GALNT13: variants seen among roughly 807,000 people sequenced by gnomAD.
GALNT13 encodes the protein polypeptide N-acetylgalactosaminyltransferase 13.
GALNT13 carries 28 observed loss-of-function variants against 64.2 expected under a neutral mutation model. The observed-to-expected ratio is 0.44, with a 90% CI of 0.32 to 0.60. The LOEUF (loss-of-function observed/expected upper bound fraction) is 0.60, where lower values mean the gene tolerates loss of function less well. Ranked by LOEUF, GALNT13 falls within the 20% of genes least tolerant of loss-of-function variation. The pLI is 0.05. For synonymous variants in GALNT13, 214 were observed against 224.6 expected (o/e 0.95, Z 0.42); for missense variants, 577 against 669.8 (o/e 0.86, Z 1.53).
At chr2:153,161,861 C>A in the GALNT13 span, among the ~76,000 whole-genome samples, 1 of 152,116 alleles carries the variant, frequency 6.6e-6, no homozygotes. Context: ...TGTTTCAACA[C>A]CTAACAAGGG....
intron 3 of GALNT13, among the ~76,000 whole-genome samples, chr2:153,955,586 C>T (rs1372501066): frequency 6.6e-6 from 1 of 152,116 alleles, no homozygotes; most frequent in East Asian, 1.9e-4. Flanking sequence ...GGAATTTTAA[C>T]CTTGTTCTTT....
chr2:153,069,052 G>A, the GALNT13 span, among the ~76,000 whole-genome samples: 1 of 152,118 alleles, frequency 6.6e-6, no homozygotes, highest in African/African-American at 2.4e-5. Flanking sequence ...CATTCAGCAG[G>A]GAATACTTAG....
At chr2:153,143,599 T>A in the GALNT13 span, among the ~76,000 whole-genome samples, 1 of 152,066 alleles carries the variant, frequency 6.6e-6, no homozygotes, top group Non-Finnish European at 1.5e-5. Flanking sequence ...TCATTCATCT[T>A]GCAAAGCAAG....
chr2:153,477,179 G>T, the GALNT13 span, among the ~76,000 whole-genome samples: 1 of 151,952 alleles, frequency 6.6e-6, no homozygotes, highest in Non-Finnish European at 1.5e-5. Context: ...GTCATCCCAG[G>T]GCCTCTCCGT....
the GALNT13 span, among the ~76,000 whole-genome samples, chr2:153,224,857 T>C: frequency 6.6e-6 from 1 of 152,162 alleles, no homozygotes; most frequent in South Asian, 2.1e-4. Context: ...TGACAACCTT[T>C]CCAAAAAAAG....
intron 3 of GALNT13, among the ~76,000 whole-genome samples, chr2:154,078,437 A>G (rs940034946): frequency 2.7e-5 from 4 of 149,568 alleles, no homozygotes; most frequent in Admixed American, 2.7e-4. Context: ...ATAGCTATAG[A>G]TAGATAGATA....
At chr2:154,380,635 A>G (rs555109088) in intron 9 of GALNT13, among the ~76,000 whole-genome samples, 2 of 152,164 alleles carry the variant, frequency 1.3e-5, no homozygotes, top group South Asian at 4.1e-4. Context: ...GAAGACACAA[A>G]GGGGCAACAT....
the GALNT13 span, among the ~76,000 whole-genome samples, chr2:153,265,819 T>C: frequency 2.0e-5 from 3 of 152,190 alleles, no homozygotes; most frequent in Non-Finnish European, 4.4e-5. Flanking sequence ...ATGCTATGAG[T>C]ATTGTTGAAA....
chr2:154,401,770 G>T (rs1057076313), intron 10 of GALNT13, among the ~76,000 whole-genome samples: 3 of 152,010 alleles, frequency 2.0e-5, no homozygotes, highest in Non-Finnish European at 4.4e-5. Flanking sequence ...AAATTAAATT[G>T]TTTATTTTGC....
intron 10 of GALNT13, among the ~76,000 whole-genome samples, chr2:154,400,365 T>C (rs1197980828): frequency 6.6e-6 from 1 of 152,176 alleles, no homozygotes; most frequent in Non-Finnish European, 1.5e-5. Context: ...TGAAATGAAA[T>C]TGGGTGGCTT....
At chr2:153,147,426 G>C in the GALNT13 span, among the ~76,000 whole-genome samples, 5,923 of 151,746 alleles carry the variant, frequency 0.039, 382 homozygotes, top group African/African-American at 0.13. Flanking sequence ...CTCTCTTCTT[G>C]TTTGGATGAG....
the GALNT13 span, among the ~76,000 whole-genome samples, chr2:153,685,894 C>T: frequency 4.4e-4 from 67 of 151,748 alleles, no homozygotes; most frequent in Middle Eastern, 3.4e-3. Context: ...ATTTATTGAA[C>T]AAGGAATACC....
intron 8 of GALNT13, among the ~76,000 whole-genome samples, chr2:154,298,185 G>C (rs1179645914): frequency 6.6e-6 from 1 of 151,138 alleles, no homozygotes; most frequent in Non-Finnish European, 1.5e-5. Context: ...TATAAGAAGA[G>C]GAAAATCAGG....
At position 154,089,467 on chromosome 2, in the gene GALNT13, G is replaced by C. The variant is rs146683639; in HGVS notation, c.143-50870G>C. ...GGAGTAGAGCTTTCACCATAGAAGT[G>C]GGGGGTCAGACAAAGGAATAAAGCC... On this transcript the variant is annotated intron_variant, in intron 3 of 12. Transcript: ENST00000392825. Among the ~76,000 whole-genome samples, 1,234 of 151,926 alleles carry C rather than the reference G, an allele frequency of 8.1e-3. 15 individuals carry two copies. The highest frequency in any genetic ancestry group is 0.028 in the African/African-American group (1,142 of 41,346).
chr2:153,697,799 G>C, the GALNT13 span, among the ~76,000 whole-genome samples: 4 of 152,226 alleles, frequency 2.6e-5, no homozygotes, highest in African/African-American at 9.6e-5. Context: ...TGAACCTAGG[G>C]GTGACATGAT....
At chr2:154,439,158 C>A (rs1701153627) in intron 12 of GALNT13, among the ~76,000 whole-genome samples, 1 of 152,118 alleles carries the variant, frequency 6.6e-6, no homozygotes, top group Non-Finnish European at 1.5e-5. Context: ...ACAAGATTAA[C>A]AAGATTTCTT....
At chr2:153,539,517 T>C in the GALNT13 span, among the ~76,000 whole-genome samples, 2 of 152,074 alleles carry the variant, frequency 1.3e-5, no homozygotes, top group Admixed American at 6.5e-5. Context: ...AGGGTGTTTA[T>C]GGTTTTAGGT....
intron 4 of GALNT13, among the ~76,000 whole-genome samples, chr2:154,211,429 C>T (rs1439351794): frequency 6.6e-6 from 1 of 151,660 alleles, no homozygotes; most frequent in Non-Finnish European, 1.5e-5. Context: ...GAGTTCCAGA[C>T]CAGCCTGACC....
chr2:154,287,956 A>G (rs1035150544), intron 8 of GALNT13, among the ~76,000 whole-genome samples: 1 of 152,108 alleles, frequency 6.6e-6, no homozygotes, highest in African/African-American at 2.4e-5. Context: ...AGGTGCCTCA[A>G]AACACTTTGT....
Sources: gnomAD v4.1 joint callset for allele counts (sites outside exome capture counted in the v4.1 genomes callset) on GRCh38, gnomAD v4.1.1 for gene constraint, MANE v1.5 for transcripts, NCBI Gene and HGNC (gene_info 2026-07-23, HGNC 2026-07-21) for gene names.